The following NXPH1 variants were observed in gnomAD, a reference collection of about 807,000 sequenced individuals.
NXPH1 encodes neurexophilin 1.
NXPH1 carries 5 observed loss-of-function variants against 23.7 expected under a neutral mutation model. That is an observed-to-expected ratio of 0.21 (90% CI 0.11 to 0.44). The LOEUF is 0.44. NXPH1 is among the 20% of genes least tolerant of loss of function. NXPH1 has a pLI of 0.99. For synonymous variants in NXPH1, 144 were observed against 122.2 expected, an observed-to-expected ratio of 1.18 and a Z score of -1.18; for missense variants, 324 against 321.6, an observed-to-expected ratio of 1.01 and a Z score of -0.06.
chr7:8,637,191 A>G lies in NXPH1; in HGVS notation c.55-113817A>G, dbSNP rs182212929. Among the ~76,000 whole-genome samples the G allele has an allele frequency of 2.0e-3, 303 of 151,344 alleles. 2 individuals are homozygous for G. Among genetic ancestry groups the G allele is most frequent in the African/African-American group, 6.7e-3 (278 of 41,274 alleles). ...AACATTTGAATGTCCCTTACACTTC[A>G]TATTTCTCATCTTGCTCACTGCTGG... is the stretch of plus-strand genomic sequence containing the variant. On this transcript the variant is annotated intron_variant, in intron 2 of 2. Coordinates refer to ENST00000405863, the MANE Select transcript of NXPH1 (RefSeq NM_152745.3).
At chr7:8,658,494 C>T (rs1489741891) in intron 2 of NXPH1, among the ~76,000 whole-genome samples, 1 of 152,188 alleles carries the variant, frequency 6.6e-6, no homozygotes, top group East Asian at 1.9e-4. Context: ...AAACTTGCTT[C>T]ATGTTGATTT....
At chr7:8,574,078 C>T (rs1818704554) in intron 2 of NXPH1, among the ~76,000 whole-genome samples, 1 of 152,000 alleles carries the variant, frequency 6.6e-6, no homozygotes, top group African/African-American at 2.4e-5. Context: ...TGTTCAGGCT[C>T]TGAGCAGGAC....
At chr7:8,489,557 C>A (rs980847807) in intron 2 of NXPH1, among the ~76,000 whole-genome samples, 1 of 152,050 alleles carries the variant, frequency 6.6e-6, no homozygotes, top group Non-Finnish European at 1.5e-5. Context: ...ACGGTTGATT[C>A]ATTCATGAGA....
intron 2 of NXPH1, among the ~76,000 whole-genome samples, chr7:8,670,335 C>A (rs1306349864): frequency 6.6e-6 from 1 of 152,196 alleles, no homozygotes; most frequent in Admixed American, 6.5e-5. Flanking sequence ...CTCACAAGTT[C>A]TATCCCTTTT....
chr7:8,566,605 C>G (rs942622409), intron 2 of NXPH1, among the ~76,000 whole-genome samples: 1 of 151,872 alleles, frequency 6.6e-6, no homozygotes, highest in Non-Finnish European at 1.5e-5. Context: ...CCCTCAGACA[C>G]TAGGACCCCA....
chr7:8,690,883 A>G (rs1456585454), intron 2 of NXPH1, among the ~76,000 whole-genome samples: 4 of 152,108 alleles, frequency 2.6e-5, no homozygotes, highest in African/African-American at 9.7e-5. Context: ...TGCTTTGCCC[A>G]ACTTTGATGT....
chr7:8,554,539 T>C (rs775293473), intron 2 of NXPH1, among the ~76,000 whole-genome samples: 1 of 151,748 alleles, frequency 6.6e-6, no homozygotes, highest in Non-Finnish European at 1.5e-5. Flanking sequence ...AATAGGCTCT[T>C]AGTACATTAA....
At chr7:8,695,568 C>T (rs190760086) in intron 2 of NXPH1, among the ~76,000 whole-genome samples, 4 of 150,756 alleles carry the variant, frequency 2.7e-5, no homozygotes, top group Admixed American at 6.6e-5. Context: ...TGACCTTTAC[C>T]TTCTACTTTT....
chr7:8,524,669 T>C (rs1817835165), intron 2 of NXPH1, among the ~76,000 whole-genome samples: 1 of 152,184 alleles, frequency 6.6e-6, no homozygotes, highest in African/African-American at 2.4e-5. Context: ...GGGGAGATAA[T>C]TGAATCATGG....
At chr7:8,556,493 A>G (rs1284586341) in intron 2 of NXPH1, among the ~76,000 whole-genome samples, 1 of 151,662 alleles carries the variant, frequency 6.6e-6, no homozygotes, top group Non-Finnish European at 1.5e-5. Flanking sequence ...GGGCCCCTCC[A>G]CCAGGTTACT....
chr7:8,533,124 C>A (rs2128617546), intron 2 of NXPH1, among the ~76,000 whole-genome samples: 1 of 152,244 alleles, frequency 6.6e-6, no homozygotes, highest in East Asian at 1.9e-4. Flanking sequence ...TTAGGTCACA[C>A]AGCATTGAGG....
chr7:8,619,690 A>G (rs537994020), intron 2 of NXPH1, among the ~76,000 whole-genome samples: 46 of 152,192 alleles, frequency 3.0e-4, no homozygotes, highest in Non-Finnish European at 6.2e-4. Flanking sequence ...CTTATTCTCC[A>G]GCGTATTTTT....
chr7:8,574,904 A>G (rs1818723423), intron 2 of NXPH1, among the ~76,000 whole-genome samples: 1 of 152,172 alleles, frequency 6.6e-6, no homozygotes, highest in Non-Finnish European at 1.5e-5. Flanking sequence ...AGGGATAAAA[A>G]TGCACTGATG....
At chr7:8,625,255 A>T (rs1415999272) in intron 2 of NXPH1, among the ~76,000 whole-genome samples, 1 of 152,168 alleles carries the variant, frequency 6.6e-6, no homozygotes, top group South Asian at 2.1e-4. Flanking sequence ...GTAAAATAAT[A>T]CTGTAATTTT....
intron 2 of NXPH1, among the ~76,000 whole-genome samples, chr7:8,654,805 G>T (rs1481506490): frequency 6.6e-6 from 1 of 152,194 alleles, no homozygotes; most frequent in African/African-American, 2.4e-5. Context: ...ATCTGAGCTG[G>T]AGATTTGGGA....
In NXPH1 at chr7:8,710,741, C is replaced by A. The variant is rs985859017; in HGVS notation, c.55-40267C>A. On this transcript the variant is annotated intron_variant, in intron 2 of 2. Transcript: ENST00000405863. Reference sequence around the variant, plus strand: ...GCAGTGGCGCAATCTCGGCTCACTGCAAGCTCCGCTTCCCGGGTTCACGCC... The same window carrying A: ...GCAGTGGCGCAATCTCGGCTCACTGAAAGCTCCGCTTCCCGGGTTCACGCC... Among the ~76,000 whole-genome samples, 5 of 104,990 alleles carry A rather than the reference C, an allele frequency of 4.8e-5. 1 individual carries two copies. The highest frequency in any genetic ancestry group is 4.3e-4 in the Admixed American group (4 of 9,354). 68.9% of individuals were successfully genotyped at this position (104,990 alleles called of 152,430 possible).
chr7:8,471,705 G>C (rs1816875580), intron 2 of NXPH1, among the ~76,000 whole-genome samples: 1 of 152,182 alleles, frequency 6.6e-6, no homozygotes, highest in East Asian at 1.9e-4. Flanking sequence ...CTGGAGACTA[G>C]AGCAAAATCT....
Position 8,518,922 on chromosome 7 carries a change from AT to A in NXPH1, c.54+83165del, listed in dbSNP as rs558488705. Among the ~76,000 whole-genome samples, 333 of 147,532 alleles carry A rather than the reference AT, an allele frequency of 2.3e-3. 1 individual carries two copies. Among genetic ancestry groups the A allele is most frequent in the Non-Finnish European group, 2.0e-3 (135 of 66,576 alleles). On this transcript the variant is annotated intron_variant, in intron 2 of 2. Coordinates refer to ENST00000405863, the MANE Select transcript of NXPH1 (RefSeq NM_152745.3). ...CCCCAGCTTCCCCCATCCCCTGTTC[AT>A]TTTTTTTTTCTCCCCAAAGGCTGGA...
chr7:8,603,466 A>G (rs1339647063), intron 2 of NXPH1, among the ~76,000 whole-genome samples: 1 of 152,114 alleles, frequency 6.6e-6, no homozygotes, highest in Non-Finnish European at 1.5e-5. Flanking sequence ...TGAATCAATA[A>G]TTTTGTCATC....
Sources: allele counts gnomAD v4.1 joint callset (sites outside exome capture counted in the v4.1 genomes callset), GRCh38; gene constraint gnomAD v4.1.1; transcripts MANE v1.5; gene names NCBI Gene and HGNC (gene_info 2026-07-23, HGNC 2026-07-21).